PCA3: variants seen among roughly 807,000 people sequenced by gnomAD.
The protein encoded by PCA3 is Differential Display code 3.
intron 2 of PCA3, among the ~76,000 whole-genome samples, chr9:76,767,864 C>T (rs910919458): frequency 1.3e-5 from 2 of 152,200 alleles, no homozygotes; most frequent in African/African-American, 2.4e-5. Flanking sequence ...CTTCCATGCC[C>T]ACTATGGCTA....
At chr9:76,777,733 A>G (rs2053953254) in intron 2 of PCA3, among the ~76,000 whole-genome samples, 1 of 152,224 alleles carries the variant, frequency 6.6e-6, no homozygotes, top group African/African-American at 2.4e-5. Context: ...AAAATCAAAC[A>G]GGATAAGGTG....
intron 2 of PCA3, among the ~76,000 whole-genome samples, chr9:76,777,877 C>A (rs1378657149): frequency 6.6e-6 from 1 of 152,140 alleles, no homozygotes; most frequent in Non-Finnish European, 1.5e-5. Flanking sequence ...TCTAGGGAAA[C>A]TGTTTTCTAG....
intron 2 of PCA3, among the ~76,000 whole-genome samples, chr9:76,776,247 C>T (rs991043300): frequency 6.6e-6 from 1 of 152,148 alleles, no homozygotes; most frequent in African/African-American, 2.4e-5. Flanking sequence ...GAATAGCAGA[C>T]ATTGTACCCA....
intron 2 of PCA3, among the ~76,000 whole-genome samples, chr9:76,771,571 C>T (rs944517384): frequency 6.6e-5 from 10 of 152,126 alleles, no homozygotes; most frequent in African/African-American, 2.4e-4. Flanking sequence ...GTAATAATGG[C>T]TACTTTATCA....
intron 2 of PCA3, among the ~76,000 whole-genome samples, chr9:76,776,933 C>G (rs1278116567): frequency 3.5e-5 from 5 of 143,030 alleles, no homozygotes; most frequent in Non-Finnish European, 4.5e-5. Flanking sequence ...CACACACACA[C>G]ACACACACAC....
At chr9:76,780,623 A>G (rs543543601) in intron 2 of PCA3, among the ~76,000 whole-genome samples, 8 of 152,280 alleles carry the variant, frequency 5.3e-5, no homozygotes, top group South Asian at 2.1e-4. Context: ...CCCAGGAGGC[A>G]GAGCTTGCAG....
intron 2 of PCA3, among the ~76,000 whole-genome samples, chr9:76,771,596 C>A (rs573893712): frequency 6.6e-6 from 1 of 152,230 alleles, no homozygotes; most frequent in African/African-American, 2.4e-5. Context: ...GTTTGGGTAA[C>A]ACTAAGCAGA....
chr9:76,779,229 A>G (rs969761017), intron 2 of PCA3, among the ~76,000 whole-genome samples: 1 of 139,914 alleles, frequency 7.1e-6, no homozygotes, highest in Non-Finnish European at 1.5e-5. Context: ...TGAAAAACTT[A>G]GACTTTTTTT....
At chr9:76,777,150 G>A (rs751516906) in intron 2 of PCA3, among the ~76,000 whole-genome samples, 2 of 152,082 alleles carry the variant, frequency 1.3e-5, no homozygotes, top group African/African-American at 2.4e-5. Flanking sequence ...GTGGGGGAGG[G>A]CAGAGAAGGG....
At chr9:76,777,114 G>C (rs868150675) in intron 2 of PCA3, among the ~76,000 whole-genome samples, 6 of 152,012 alleles carry the variant, frequency 3.9e-5, no homozygotes, top group Non-Finnish European at 8.8e-5. Context: ...ATATTGCTGA[G>C]AGATGATGTT....
chr9:76,768,552 T>C lies in PCA3; in HGVS notation n.852+31937T>C, dbSNP rs17081144. Among the ~76,000 whole-genome samples, 1,297 of 150,832 alleles carry C rather than the reference T, an allele frequency of 8.6e-3. 20 individuals are homozygous for C. The highest frequency in any genetic ancestry group is 0.03 in the African/African-American group (1,219 of 40,998). On this transcript the variant is annotated intron_variant and non_coding_transcript_variant, in intron 2 of 5. Transcript: ENST00000644657. The stretch of plus-strand genomic sequence containing the variant: ...CACCTAGAACGTTCTCTGGGTCTCT[T>C]ATCTTTGGGTTGATATATATATGTA...
At chr9:76,776,511 C>T (rs201610724) in intron 2 of PCA3, among the ~76,000 whole-genome samples, 56 of 134,586 alleles carry the variant, frequency 4.2e-4, no homozygotes, top group African/African-American at 4.1e-4. Context: ...TTTTTTTTTT[C>T]TTTTTTCTTT....
intron 2 of PCA3, chr9:76,783,935 G>A (rs191961312): frequency 2.6e-3 from 389 of 152,182 alleles, no homozygotes; most frequent in African/African-American, 9.0e-3. Flanking sequence ...ATTTTTGATG[G>A]CCTTAAGTTC....
chr9:76,777,614 G>A (rs1368751910), intron 2 of PCA3, among the ~76,000 whole-genome samples: 1 of 152,158 alleles, frequency 6.6e-6, no homozygotes, highest in African/African-American at 2.4e-5. Context: ...AAATAAAACA[G>A]ACAAAAATCC....
At chr9:76,777,197 G>C (rs926245236) in intron 2 of PCA3, among the ~76,000 whole-genome samples, 2 of 152,166 alleles carry the variant, frequency 1.3e-5, no homozygotes, top group African/African-American at 4.8e-5. Context: ...GAAACTGCTA[G>C]GGACAAAGGG....
chr9:76,776,100 A>G (rs1039037697), intron 2 of PCA3, among the ~76,000 whole-genome samples: 9 of 152,240 alleles, frequency 5.9e-5, no homozygotes, highest in African/African-American at 2.2e-4. Context: ...ATGAGTAAAT[A>G]TTTAACATTT....
At chr9:76,776,187 A>G (rs117881154) in intron 2 of PCA3, among the ~76,000 whole-genome samples, 3,063 of 152,362 alleles carry the variant, frequency 0.02, 51 homozygotes, top group Non-Finnish European at 0.027. Context: ...GTTTTGTTAC[A>G]TGGATATTGA....
chr9:76,785,255 A>G (rs1589223109), intron 2 of PCA3: 2 of 152,240 alleles, frequency 1.3e-5, no homozygotes, highest in African/African-American at 4.8e-5. Context: ...AAAGTTTTGA[A>G]TAAGTTGACT....
At chr9:76,771,157 T>C (rs2053059619) in intron 2 of PCA3, among the ~76,000 whole-genome samples, 1 of 152,172 alleles carries the variant, frequency 6.6e-6, no homozygotes, top group Non-Finnish European at 1.5e-5. Flanking sequence ...AAACTAGACA[T>C]GATTTAAATA....
Sources: gnomAD v4.1 joint callset for allele counts (sites outside exome capture counted in the v4.1 genomes callset) on GRCh38, gnomAD v4.1.1 for gene constraint, MANE v1.5 for transcripts, NCBI Gene and HGNC (gene_info 2026-07-23, HGNC 2026-07-21) for gene names.